The following ATP2A2 variants were observed in gnomAD, a reference collection of about 807,000 sequenced individuals.
ATP2A2 encodes sarcoplasmic/endoplasmic reticulum calcium ATPase 2.
Under a neutral mutation model 109.3 loss-of-function variants are expected in ATP2A2, and 14 were observed. The observed-to-expected ratio is 0.13, with a 90% CI of 0.08 to 0.20. The LOEUF is 0.20. Ranked by LOEUF, ATP2A2 falls within the 10% of genes least tolerant of loss-of-function variation. ATP2A2 has a pLI of 1.00. For synonymous variants in ATP2A2, 506 were observed against 490.9 expected, an observed-to-expected ratio of 1.03 and a Z score of -0.41; for missense variants, 657 against 1,321.6, an observed-to-expected ratio of 0.50 and a Z score of 7.80.
chr12:110,319,330 G>A (rs773637608), intron 5 of ATP2A2, among the ~76,000 whole-genome samples: 1 of 149,152 alleles, frequency 6.7e-6, no homozygotes, highest in Non-Finnish European at 1.5e-5. Flanking sequence ...TCTTCTTGTC[G>A]TTTCTAAATA....
intron 5 of ATP2A2, among the ~76,000 whole-genome samples, chr12:110,298,040 T>G (rs772257125): frequency 1.4e-4 from 22 of 152,208 alleles, no homozygotes; most frequent in Admixed American, 3.3e-4. Context: ...TTTCATACCC[T>G]TCTGAGTTAA....
chr12:110,347,069 C>T lies in ATP2A2; in HGVS notation c.*599C>T. 1 of 957,518 alleles carries T rather than the reference C, an allele frequency of 1.0e-6. No homozygotes were observed. Among genetic ancestry groups the T allele is most frequent in the African/African-American group, 2.0e-5 (1 of 51,226 alleles). The allele number at this position is 957,518 out of a possible 1,614,324, so 59.3% of individuals were successfully genotyped here. A position where few individuals can be genotyped will look rare whatever the true frequency, so the allele number is the denominator to read the frequency against. ...ACCTTACCCCCGCCCCGCTTGGCTT[C>T]TTCTTTAGGATTGTGATGGTTCGTT... On this transcript the variant is annotated 3_prime_UTR_variant, in exon 20 of 20. Transcript: ENST00000539276.
intron 5 of ATP2A2, among the ~76,000 whole-genome samples, chr12:110,301,901 T>C (rs1167222418): frequency 6.6e-6 from 1 of 152,198 alleles, no homozygotes; most frequent in Non-Finnish European, 1.5e-5. Context: ...AGGCAAATTT[T>C]ATAGAGTTTA....
Position 110,350,126 on chromosome 12 carries a change from C to G in ATP2A2, c.*3656C>G. The stretch of plus-strand genomic sequence containing the variant: ...TCTAGATGCTACCCTGTGTGGGCGG[C>G]ACCTCAGGGACAGTAAATCAGAAAT... On this transcript the variant is annotated 3_prime_UTR_variant, in exon 20 of 20. Transcript: ENST00000539276. 6.6e-7 allele frequency: 1 copy of G among 1,511,054 alleles called. No homozygotes were observed. Among genetic ancestry groups the G allele is most frequent in the Non-Finnish European group, 8.8e-7 (1 of 1,131,778 alleles). 93.6% of individuals were successfully genotyped at this position (1,511,054 alleles called of 1,614,324 possible).
intron 8 of ATP2A2, 88 bp from the exon 9 acceptor site, chr12:110,332,509 C>A: frequency 8.6e-7 from 1 of 1,159,458 alleles, no homozygotes; most frequent in Non-Finnish European, 1.3e-6. Context: ...GGTTGTTTGC[C>A]TTTGTCCTAA....
rs1348747796 is a variant in ATP2A2 at position 110,350,720 on chromosome 12, G to A, written c.*4250G>A. The A allele has an allele frequency of 4.1e-6, 1 of 246,218 alleles. No individual in the cohort carries two copies. The highest frequency in any genetic ancestry group is 8.0e-6 in the Non-Finnish European group (1 of 125,534). 15.3% of individuals were successfully genotyped at this position (246,218 alleles called of 1,614,324 possible). On this transcript the variant is annotated 3_prime_UTR_variant, in exon 20 of 20. Transcript: ENST00000539276. ...GTAAGTAGCCAGATCCCTCTCCAGT[G>A]ACATTGGAACATGCTACTTTTTAAT...
intron 5 of ATP2A2, among the ~76,000 whole-genome samples, chr12:110,312,402 C>T (rs1592826178): frequency 6.6e-6 from 1 of 152,246 alleles, no homozygotes; most frequent in East Asian, 1.9e-4. Flanking sequence ...AGATCTTAAT[C>T]ATTTCTAGAT....
chr12:110,340,523 A>T lies in ATP2A2; in HGVS notation c.1762-136A>T. The T allele has an allele frequency of 1.0e-6, 1 of 984,132 alleles. No homozygotes were observed. The highest frequency in any genetic ancestry group is 1.5e-6 in the Non-Finnish European group (1 of 670,594). 61.0% of individuals were successfully genotyped at this position (984,132 alleles called of 1,614,324 possible). ...ATGGCACTCCAGCCTGGGCAACAAG[A>T]GCGAAACTCCGCCTCAAAAAAAAAA... On this transcript the variant is annotated intron_variant, in intron 13 of 19. Coordinates refer to ENST00000539276, the MANE Select transcript of ATP2A2 (RefSeq NM_170665.4). This position sits in a 1 kb window ranked among gnomAD's most constrained non-coding sequence, Gnocchi z 6.0.
Position 110,349,719 on chromosome 12 carries a change from CCT to C in ATP2A2, c.*3250_*3251del, listed in dbSNP as rs1385183789. 2.0e-6 allele frequency: 2 copies of C among 1,009,696 alleles called. No individual in the cohort carries two copies. The highest frequency in any genetic ancestry group is 2.4e-6 in the Non-Finnish European group (2 of 843,380). The allele number at this position is 1,009,696 out of a possible 1,614,324, so 62.5% of individuals were successfully genotyped here. On this transcript the variant is annotated 3_prime_UTR_variant, in exon 20 of 20. Coordinates refer to ENST00000539276, the MANE Select transcript of ATP2A2 (RefSeq NM_170665.4). The stretch of plus-strand genomic sequence containing the variant: ...GCCAGAGCATACCACGTCTGCAGTG[CCT>C]GTGAGCAGAGCCAGCAGTTGCCCTG...
chr12:110,284,981 T>G (rs1312438775), intron 3 of ATP2A2, among the ~76,000 whole-genome samples: 1 of 152,216 alleles, frequency 6.6e-6, no homozygotes, highest in Non-Finnish European at 1.5e-5. Flanking sequence ...GAGCACTGAC[T>G]CTCTTTTTGT....
At chr12:110,322,902 T>C in intron 5 of ATP2A2, 90 bp from the exon 6 acceptor site, 1 of 979,578 alleles carries the variant, frequency 1.0e-6, no homozygotes, top group Non-Finnish European at 1.6e-6. Context: ...ATTTATTTTC[T>C]TTAAAAATTG....
chr12:110,349,770 A>C lies in ATP2A2; in HGVS notation c.*3300A>C, dbSNP rs1024168597. ...TGTGACTGTAACCACCAAATTGTCC[A>C]AACACCCGCTGCAGTTAGCAAGAAG... On this transcript the variant is annotated 3_prime_UTR_variant, in exon 20 of 20. Coordinates refer to ENST00000539276, the MANE Select transcript of ATP2A2 (RefSeq NM_170665.4). 4.5e-5 allele frequency: 46 copies of C among 1,018,410 alleles called. No homozygotes were observed. In the African/African-American group the frequency reaches 7.4e-4, roughly 16 times the overall value. The allele number at this position is 1,018,410 out of a possible 1,614,324, so 63.1% of individuals were successfully genotyped here. A position where few individuals can be genotyped will look rare whatever the true frequency, so the allele number is the denominator to read the frequency against.
At chr12:110,324,098 A>T (rs1382371312) in intron 6 of ATP2A2, among the ~76,000 whole-genome samples, 2 of 152,234 alleles carry the variant, frequency 1.3e-5, no homozygotes, top group African/African-American at 4.8e-5. Context: ...TGGAGGGTTC[A>T]TACTAACTGG....
At chr12:110,334,244 C>A in intron 11 of ATP2A2, 101 bp downstream of exon 11, 1 of 1,393,964 alleles carries the variant, frequency 7.2e-7, no homozygotes, top group Non-Finnish European at 1.0e-6. Context: ...CTAATTATAC[C>A]TTATCTCCTC....
At chr12:110,310,166 A>C (rs1875863195) in intron 5 of ATP2A2, among the ~76,000 whole-genome samples, 1 of 151,230 alleles carries the variant, frequency 6.6e-6, no homozygotes, top group African/African-American at 2.4e-5. Flanking sequence ...TTTTTTTTTA[A>C]AGTAGAGACG....
In ATP2A2 at chr12:110,346,585, G is replaced by T. The variant is rs1236002937; in HGVS notation, c.*115G>T. On this transcript the variant is annotated 3_prime_UTR_variant, in exon 20 of 20. Coordinates refer to ENST00000539276, the MANE Select transcript of ATP2A2 (RefSeq NM_170665.4). ...ATGAACATACTGGCTGGTGATGGAGGTTTCATACTCTAGATTTTGTTTTGC... is the reference window on the plus strand; with the variant it reads ...ATGAACATACTGGCTGGTGATGGAGTTTTCATACTCTAGATTTTGTTTTGC... The T allele has an allele frequency of 8.5e-6, 13 of 1,533,226 alleles. No individual in the cohort carries two copies. Among genetic ancestry groups the T allele is most frequent in the African/African-American group, 1.4e-5 (1 of 72,252 alleles). 95.0% of individuals were successfully genotyped at this position (1,533,226 alleles called of 1,614,324 possible).
chr12:110,338,145 C>G lies in ATP2A2; in HGVS notation c.1420-1136C>G, dbSNP rs1265596708. 4.6e-5 allele frequency among the ~76,000 whole-genome samples: 7 copies of G among 152,230 alleles called. No individual in the cohort carries two copies. In the South Asian group the frequency reaches 6.2e-4, roughly 13 times the overall value. ...TTCACAAGGCACCAGGAGGTGAAGG[C>G]TCCATAGTCCTCAGCCATTTCTGTC... is the stretch of plus-strand genomic sequence containing the variant. On this transcript the variant is annotated intron_variant, in intron 11 of 19. Transcript: ENST00000539276.
At chr12:110,308,057 G>T (rs1875574521) in intron 5 of ATP2A2, among the ~76,000 whole-genome samples, 1 of 152,136 alleles carries the variant, frequency 6.6e-6, no homozygotes. Context: ...TTGCTAGCGT[G>T]TAGAAATAGT....
intron 11 of ATP2A2, among the ~76,000 whole-genome samples, chr12:110,338,825 C>T (rs1372728160): frequency 6.6e-6 from 1 of 152,210 alleles, no homozygotes; most frequent in African/African-American, 2.4e-5. Flanking sequence ...TTCTACCATC[C>T]TCTGCCATTA....
Sources: allele counts gnomAD v4.1 joint callset (sites outside exome capture counted in the v4.1 genomes callset), GRCh38; gene constraint gnomAD v4.1.1; non-coding constraint Gnocchi (gnomAD v3.1); transcripts MANE v1.5; gene names NCBI Gene and HGNC (gene_info 2026-07-23, HGNC 2026-07-21).